HMCN1: variants seen among roughly 807,000 people sequenced by gnomAD.
HMCN1 encodes the protein hemicentin-1.
A neutral mutation model predicts 625.9 loss-of-function variants in HMCN1; 321 were observed. That is an observed-to-expected ratio of 0.51 (90% CI 0.47 to 0.56). The LOEUF is 0.56. Ranked by LOEUF, HMCN1 falls within the 20% of genes least tolerant of loss-of-function variation. The pLI is 0.00. For missense variants in HMCN1, 6,588 were observed against 6,887.3 expected, an observed-to-expected ratio of 0.96 and a Z score of 1.54; for synonymous variants, 2,425 against 2,417.6, an observed-to-expected ratio of 1.00 and a Z score of -0.09.
intron 64 of HMCN1, among the ~76,000 whole-genome samples, chr1:186,091,941 T>C (rs1211879150): frequency 6.6e-6 from 1 of 151,996 alleles, no homozygotes; most frequent in Non-Finnish European, 1.5e-5. Context: ...TTCTCTGGTG[T>C]GAACATTTTT....
chr1:186,104,658 A>G (rs1309453308), intron 69 of HMCN1, among the ~76,000 whole-genome samples: 1 of 152,174 alleles, frequency 6.6e-6, no homozygotes, highest in Non-Finnish European at 1.5e-5. Flanking sequence ...GAGATTAAGT[A>G]CTTATCTGCC....
At chr1:185,962,362 A>G (rs1210443256) in intron 11 of HMCN1, among the ~76,000 whole-genome samples, 156 bp from the exon 12 acceptor site, 2 of 152,248 alleles carry the variant, frequency 1.3e-5, no homozygotes, top group South Asian at 2.1e-4. Flanking sequence ...TTTCATTACC[A>G]TTGGTTTCTT....
rs759062376 is a variant in HMCN1, at chr1:186,041,065, C to T, written c.6233C>T (p.Thr2078Ile). The stretch of plus-strand genomic sequence containing the variant: ...TTGACCAGTGCACAAATCAGCGACA[C>T]AGGAAGGTACACCTGCGTGGCAGTG... ...LALTSAQISD[T>I]GRYTCVAVNA... Residue 2078 changes from threonine to isoleucine, a missense_variant, in exon 40 of 107, where the codon ACA becomes ATA. Coordinates refer to ENST00000271588, the MANE Select transcript of HMCN1 (RefSeq NM_031935.3). The T allele has an allele frequency of 1.2e-6, 2 of 1,612,876 alleles. No individual in the cohort carries two copies. Among genetic ancestry groups the T allele is most frequent in the East Asian group, 2.2e-5 (1 of 44,788 alleles).
At chr1:185,921,182 G>A (rs77275743) in intron 6 of HMCN1, among the ~76,000 whole-genome samples, 3 of 152,062 alleles carry the variant, frequency 2.0e-5, no homozygotes, top group Admixed American at 6.6e-5. Context: ...TAACCTTTAT[G>A]CAAATGAGCC....
Position 186,123,940 on chromosome 1 carries a change from G to T in HMCN1, c.12499+720G>T, listed in dbSNP as rs376429385. Reference sequence around the variant, plus strand: ...TATTTTAATTTTCTGTAACTTCATAGTAACAGAGACAATTTTGAGTGGAAA... The same window carrying T: ...TATTTTAATTTTCTGTAACTTCATATTAACAGAGACAATTTTGAGTGGAAA... On this transcript the variant is annotated intron_variant, in intron 81 of 106. Coordinates refer to ENST00000271588, the MANE Select transcript of HMCN1 (RefSeq NM_031935.3). 3.9e-5 allele frequency among the ~76,000 whole-genome samples: 6 copies of T among 152,028 alleles called. No homozygotes were observed. The South Asian group carries it at 8.3e-4, about 21-fold the overall frequency.
chr1:185,833,512 T>A (rs969726289), intron 1 of HMCN1, among the ~76,000 whole-genome samples: 1 of 152,206 alleles, frequency 6.6e-6, no homozygotes, highest in Non-Finnish European at 1.5e-5. Flanking sequence ...ATCTTACATT[T>A]TTTTAGTTGA....
intron 36 of HMCN1, among the ~76,000 whole-genome samples, chr1:186,031,791 G>T (rs1655455930): frequency 6.6e-6 from 1 of 151,938 alleles, no homozygotes; most frequent in Non-Finnish European, 1.5e-5. Flanking sequence ...TCTTCCAGGT[G>T]TTGAGTTTTT....
At chr1:186,123,559 C>T (rs1661500749) in intron 81 of HMCN1, among the ~76,000 whole-genome samples, 1 of 152,088 alleles carries the variant, frequency 6.6e-6, no homozygotes, top group African/African-American at 2.4e-5. Flanking sequence ...AGCTTCAAGT[C>T]ATCTTGGTTC....
At chr1:186,087,069 G>A (rs1571332247) in intron 58 of HMCN1, 148 bp from the exon 59 acceptor site, 2 of 663,314 alleles carry the variant, frequency 3.0e-6, no homozygotes, top group Non-Finnish European at 5.5e-6. Flanking sequence ...AAAGAAAACT[G>A]ATCCAATTAT....
chr1:185,927,152 C>T (rs1273161696), intron 9 of HMCN1, among the ~76,000 whole-genome samples: 2 of 152,172 alleles, frequency 1.3e-5, no homozygotes, highest in African/African-American at 4.8e-5. Context: ...AAATTTCCAT[C>T]AATCTGTTTT....
chr1:186,105,651 T>C (rs1660575288), intron 69 of HMCN1, among the ~76,000 whole-genome samples: 1 of 152,238 alleles, frequency 6.6e-6, no homozygotes, highest in African/African-American at 2.4e-5. Context: ...TAAAGATACA[T>C]GCTTAACTAT....
chr1:186,119,171 AC>A lies in HMCN1; in HGVS notation c.11849-19del. ...AAACTGAGATGCAGTATATATTAAAACATTTTTTTTCATTTTTAGGAGCAAT... is the reference window on the plus strand; with the variant it reads ...AAACTGAGATGCAGTATATATTAAAAATTTTTTTTCATTTTTAGGAGCAAT... On this transcript the variant is annotated intron_variant, in intron 77 of 106. Transcript: ENST00000271588. The A allele has an allele frequency of 6.4e-7, 1 of 1,574,122 alleles. No individual in the cohort carries two copies. Among genetic ancestry groups the A allele is most frequent in the Non-Finnish European group, 8.7e-7 (1 of 1,143,682 alleles).
At chr1:185,845,484 G>A (rs1466700110) in intron 1 of HMCN1, among the ~76,000 whole-genome samples, 1 of 152,220 alleles carries the variant, frequency 6.6e-6, no homozygotes, top group Non-Finnish European at 1.5e-5. Flanking sequence ...GACTCCCAAA[G>A]TGCTGAGATT....
intron 2 of HMCN1, among the ~76,000 whole-genome samples, chr1:185,862,796 G>A (rs566997219): frequency 6.6e-6 from 1 of 152,296 alleles, no homozygotes; most frequent in South Asian, 2.1e-4. Flanking sequence ...TTTCCAAAGT[G>A]AAGATCAGGT....
intron 11 of HMCN1, among the ~76,000 whole-genome samples, chr1:185,936,154 C>G (rs1667803780): frequency 6.6e-6 from 1 of 151,954 alleles, no homozygotes; most frequent in African/African-American, 2.4e-5. Context: ...ATCTGGAATA[C>G]TTTTAAGAGT....
intron 75 of HMCN1, among the ~76,000 whole-genome samples, chr1:186,116,646 C>T (rs1034686261): frequency 6.6e-6 from 1 of 151,978 alleles, no homozygotes; most frequent in Admixed American, 6.6e-5. Flanking sequence ...TATCTGATGC[C>T]CAGTAAACAG....
rs768729976 is a variant in HMCN1 at position 186,178,303 on chromosome 1, TG to T, written c.15944-111del. The T allele has an allele frequency of 2.7e-5, 21 of 788,778 alleles. No homozygotes were observed. In the East Asian group the frequency reaches 4.1e-4, roughly 15 times the overall value. 48.9% of individuals were successfully genotyped at this position (788,778 alleles called of 1,614,324 possible). A position where few individuals can be genotyped will look rare whatever the true frequency, so the allele number is the denominator to read the frequency against. On this transcript the variant is annotated intron_variant, in intron 103 of 106. Coordinates refer to ENST00000271588, the MANE Select transcript of HMCN1 (RefSeq NM_031935.3). ...GGAGAAATTACTGTATGCCTGGCTTTGGAGGGTAACAATGTCTTCAGTTTGT... is the reference window on the plus strand; with the variant it reads ...GGAGAAATTACTGTATGCCTGGCTTTGAGGGTAACAATGTCTTCAGTTTGT...
At chr1:186,160,566 A>C (rs1198368401) in intron 97 of HMCN1, among the ~76,000 whole-genome samples, 2 of 151,880 alleles carry the variant, frequency 1.3e-5, no homozygotes, top group Admixed American at 1.3e-4. Context: ...TTAGTGCTAT[A>C]AATTTCCCTC....
At chr1:186,173,504 G>C (rs1435992017) in intron 102 of HMCN1, among the ~76,000 whole-genome samples, 1 of 151,984 alleles carries the variant, frequency 6.6e-6, no homozygotes, top group Non-Finnish European at 1.5e-5. Context: ...AGCTGGGCAT[G>C]GTGGCGCATG....
Sources: allele counts gnomAD v4.1 joint callset (sites outside exome capture counted in the v4.1 genomes callset), GRCh38; gene constraint gnomAD v4.1.1; transcripts MANE v1.5; gene names NCBI Gene and HGNC (gene_info 2026-07-23, HGNC 2026-07-21).